The following ZMYND8 variants were observed in gnomAD, a reference collection of about 807,000 sequenced individuals.
The protein encoded by ZMYND8 is MYND-type zinc finger-containing chromatin reader ZMYND8.
A neutral mutation model predicts 140.8 loss-of-function variants in ZMYND8; 37 were observed. That is an observed-to-expected ratio of 0.26 (90% confidence interval 0.20 to 0.35). The LOEUF (loss-of-function observed/expected upper bound fraction) is 0.35. Ranked by LOEUF, ZMYND8 falls within the 10% of genes least tolerant of loss-of-function variation. The pLI, the probability that ZMYND8 is intolerant of heterozygous loss-of-function variation, is 1.00. For missense variants in ZMYND8, 1,068 were observed against 1,570.0 expected (o/e 0.68, Z 5.40); for synonymous variants, 592 against 597.1 (o/e 0.99, Z 0.12).
At chr20:47,262,456 C>T (rs1251386392) in intron 11 of ZMYND8, 28 bp from the exon 12 acceptor site, 2 of 1,613,222 alleles carry the variant, frequency 1.2e-6, no homozygotes, top group African/African-American at 2.7e-5. Context: ...TGTTAAAAGA[C>T]AGGTTTACAA....
At chr20:47,354,414 A>G (rs181358461) in intron 1 of ZMYND8, 1 of 152,220 alleles carries the variant, frequency 6.6e-6, no homozygotes, top group Non-Finnish European at 1.5e-5. Flanking sequence ...TGTAATTTCC[A>G]TTTACAGCAA....
intron 5 of ZMYND8, among the ~76,000 whole-genome samples, chr20:47,294,256 G>A (rs771778682): frequency 6.6e-6 from 1 of 151,996 alleles, no homozygotes; most frequent in Non-Finnish European, 1.5e-5. Context: ...GGAGGCAGAG[G>A]CACGAGAATC....
At chr20:47,344,113 G>A (rs549945074) in intron 2 of ZMYND8, among the ~76,000 whole-genome samples, 3 of 151,892 alleles carry the variant, frequency 2.0e-5, no homozygotes, top group East Asian at 3.9e-4. Context: ...GAGTAGTTGC[G>A]ACTAGAGGTG....
intron 2 of ZMYND8, among the ~76,000 whole-genome samples, chr20:47,314,929 C>T (rs192709376): frequency 6.6e-6 from 1 of 152,178 alleles, no homozygotes; most frequent in African/African-American, 2.4e-5. Flanking sequence ...AAAGACCAGA[C>T]AGTGCTCCAG....
At chr20:47,234,693 C>G (rs1159211835) in intron 16 of ZMYND8, among the ~76,000 whole-genome samples, 1 of 151,790 alleles carries the variant, frequency 6.6e-6, no homozygotes, top group Non-Finnish European at 1.5e-5. Flanking sequence ...TACACCTACA[C>G]AGAAGAAATA....
chr20:47,294,620 T>C (rs774435276), intron 5 of ZMYND8, 46 bp downstream of exon 5: 2 of 1,559,512 alleles, frequency 1.3e-6, no homozygotes, highest in South Asian at 2.2e-5. Flanking sequence ...AAAACATATG[T>C]CATTACGTTC....
intron 15 of ZMYND8, chr20:47,238,449 G>A (rs1010048644): frequency 2.2e-6 from 1 of 457,840 alleles, no homozygotes; most frequent in East Asian, 4.5e-5. Flanking sequence ...ACTGTGGAAG[G>A]GAAGAGAATG....
At chr20:47,211,018 A>G in intron 22 of ZMYND8, 121 bp from the exon 23 acceptor site, 2 of 1,355,408 alleles carry the variant, frequency 1.5e-6, no homozygotes, top group East Asian at 2.3e-5. Flanking sequence ...TTGATGGTTC[A>G]AACACTGCCA....
intron 11 of ZMYND8, among the ~76,000 whole-genome samples, chr20:47,268,820 A>G (rs1363585545): frequency 2.0e-5 from 3 of 151,906 alleles, no homozygotes; most frequent in Non-Finnish European, 2.9e-5. Context: ...AACCTTTTTC[A>G]TACAAAAATA....
chr20:47,329,683 C>G (rs754161285), intron 2 of ZMYND8, among the ~76,000 whole-genome samples: 2 of 152,176 alleles, frequency 1.3e-5, no homozygotes, highest in Non-Finnish European at 2.9e-5. Context: ...GGATTACAGG[C>G]GTGAGCCACC....
chr20:47,293,929 G>A (rs1267655708), intron 5 of ZMYND8, among the ~76,000 whole-genome samples: 1 of 152,046 alleles, frequency 6.6e-6, no homozygotes, highest in Non-Finnish European at 1.5e-5. Flanking sequence ...GTTTAAAAGT[G>A]TTTGGCACTT....
chr20:47,280,481 TCTG>T (rs1485507573), intron 10 of ZMYND8, among the ~76,000 whole-genome samples: 1 of 152,162 alleles, frequency 6.6e-6, no homozygotes, highest in Non-Finnish European at 1.5e-5. Context: ...TCCTTCATGC[TCTG>T]TAAGCCACCT....
At chr20:47,340,807 T>TAA (rs11481340) in intron 2 of ZMYND8, among the ~76,000 whole-genome samples, 214 of 133,876 alleles carry the variant, frequency 1.6e-3, no homozygotes, top group African/African-American at 5.4e-3. Flanking sequence ...TTTTTTAATG[T>TAA]AAAAAAAAAA....
At chr20:47,263,559 G>A (rs926091369) in intron 11 of ZMYND8, among the ~76,000 whole-genome samples, 3 of 152,178 alleles carry the variant, frequency 2.0e-5, no homozygotes, top group African/African-American at 7.2e-5. Flanking sequence ...GGACCTGCCT[G>A]CATTACTGTT....
At chr20:47,297,654 G>A (rs530028383) in intron 4 of ZMYND8, among the ~76,000 whole-genome samples, 17 of 152,114 alleles carry the variant, frequency 1.1e-4, no homozygotes, top group African/African-American at 3.6e-4. Context: ...TGAACTCCTG[G>A]GATCAAGCAA....
At chr20:47,217,499 C>T (rs1185061795) in intron 21 of ZMYND8, among the ~76,000 whole-genome samples, 1 of 152,122 alleles carries the variant, frequency 6.6e-6, no homozygotes, top group Non-Finnish European at 1.5e-5. Flanking sequence ...TCAGTAGGTG[C>T]TTCCGTCATA....
intron 2 of ZMYND8, among the ~76,000 whole-genome samples, chr20:47,311,588 T>C: frequency 6.6e-6 from 1 of 151,944 alleles, no homozygotes; most frequent in East Asian, 1.9e-4. Context: ...GTAGAATGTG[T>C]TTCTAGAGGA....
intron 3 of ZMYND8, among the ~76,000 whole-genome samples, chr20:47,300,257 T>C (rs2077925404): frequency 6.6e-6 from 1 of 152,212 alleles, no homozygotes; most frequent in African/African-American, 2.4e-5. Flanking sequence ...CTATGTGACC[T>C]TAAGAAAGTG....
At chr20:47,320,419 A>T (rs1474954114) in intron 2 of ZMYND8, 1 of 152,458 alleles carries the variant, frequency 6.6e-6, no homozygotes, top group Non-Finnish European at 1.5e-5. Flanking sequence ...CTGGCCAGCC[A>T]CCACGTAAAG....
Sources: allele counts gnomAD v4.1 joint callset (sites outside exome capture counted in the v4.1 genomes callset), GRCh38; gene constraint gnomAD v4.1.1; transcripts MANE v1.5; gene names NCBI Gene and HGNC (gene_info 2026-07-23, HGNC 2026-07-21).